Variants in ZNF148 observed in about 807,000 individuals in gnomAD.
ZNF148 encodes the protein Beta-Enolase Repressor Factor-1.
ZNF148 carries 7 observed loss-of-function variants against 67.7 expected under a neutral mutation model. That is an observed-to-expected ratio of 0.10 (90% confidence interval 0.06 to 0.19). The LOEUF is 0.19. ZNF148 is among the 10% of genes least tolerant of loss of function. The pLI is 1.00. For missense variants in ZNF148, 583 were observed against 947.1 expected, an observed-to-expected ratio of 0.62 and a Z score of 5.05; for synonymous variants, 333 against 330.7, an observed-to-expected ratio of 1.01 and a Z score of -0.08.
intron 2 of ZNF148, among the ~76,000 whole-genome samples, chr3:125,330,831 A>G (rs569352876): frequency 5.9e-5 from 9 of 152,288 alleles, no homozygotes; most frequent in African/African-American, 1.4e-4. Context: ...ATATGCACCA[A>G]CATAGGCCAA....
chr3:125,334,914 C>G (rs1941429564), intron 1 of ZNF148, among the ~76,000 whole-genome samples: 1 of 152,132 alleles, frequency 6.6e-6, no homozygotes, highest in South Asian at 2.1e-4. Context: ...CAGCATACAG[C>G]AGAATCTACT....
intron 7 of ZNF148, among the ~76,000 whole-genome samples, chr3:125,235,267 AC>A (rs1936034003): frequency 6.6e-6 from 1 of 152,232 alleles, no homozygotes; most frequent in Non-Finnish European, 1.5e-5. Flanking sequence ...AAAGTTTATA[AC>A]ATAATTGGGA....
At chr3:125,281,424 T>C (rs1345535897) in intron 5 of ZNF148, among the ~76,000 whole-genome samples, 9 of 152,138 alleles carry the variant, frequency 5.9e-5, no homozygotes. Context: ...TTATATAAAA[T>C]GGAACTAAAA....
Position 125,233,740 on chromosome 3 carries a change from T to C in ZNF148, c.986A>G (p.Lys329Arg), listed in dbSNP as rs1030967933. 10 of 1,613,712 alleles carry C rather than the reference T, an allele frequency of 6.2e-6. No individual in the cohort carries two copies. The highest frequency in any genetic ancestry group is 8.5e-6 in the Non-Finnish European group (10 of 1,179,910). ...KTEKKSSGMD[K>R]ESALDKSDLK... ...GTCAGATTTGTCCAAAGCACTCTCT[T>C]TGTCCATTCCAGATGATTTTTTCTC... Residue 329 changes from lysine (K) to arginine (R), a missense_variant, in exon 9 of 9, where the codon AAA (lysine) becomes AGA (arginine). Around this residue, in one of 5 missense-constraint regions of ZNF148, gnomAD observed 78 missense variants for 86.5 expected, o/e 0.90. Transcript: ENST00000360647. This position sits in a 1 kb window ranked among gnomAD's most constrained non-coding sequence, Gnocchi z 5.1.
intron 1 of ZNF148, among the ~76,000 whole-genome samples, chr3:125,335,809 A>C (rs1376454915): frequency 6.6e-6 from 1 of 152,222 alleles, no homozygotes; most frequent in African/African-American, 2.4e-5. Flanking sequence ...GTATTTTCAA[A>C]GTATATCTTT....
At position 125,230,598 on chromosome 3, in the gene ZNF148, CCTTT is replaced by C. The variant is rs1381083797; in HGVS notation, c.*1739_*1742del. On this transcript the variant is annotated 3_prime_UTR_variant, in exon 9 of 9. Coordinates refer to ENST00000360647, the MANE Select transcript of ZNF148 (RefSeq NM_021964.3). Reference sequence around the variant, plus strand: ...GTTAAGGGTGGATAGTTATTTCTTCCCTTTCTTTATGAGAACAGTCTTGGGATAA... The same window carrying C: ...GTTAAGGGTGGATAGTTATTTCTTCCCTTTATGAGAACAGTCTTGGGATAA... 1.3e-5 allele frequency: 2 copies of C among 152,162 alleles called. No homozygotes were observed. The highest frequency in any genetic ancestry group is 2.9e-5 in the Non-Finnish European group (2 of 67,892). 9.4% of individuals were successfully genotyped at this position (152,162 alleles called of 1,614,324 possible).
intron 1 of ZNF148, among the ~76,000 whole-genome samples, chr3:125,361,744 A>G (rs945184806): frequency 2.0e-5 from 3 of 151,964 alleles, no homozygotes; most frequent in African/African-American, 7.3e-5. Context: ...GAGGCAGGAG[A>G]ATCACTTGAA....
chr3:125,257,636 G>C (rs1269355800), intron 7 of ZNF148, among the ~76,000 whole-genome samples: 1 of 150,698 alleles, frequency 6.6e-6, no homozygotes, highest in African/African-American at 2.4e-5. Flanking sequence ...TTTCAGACTA[G>C]GTTATTTGTG....
At chr3:125,304,950 C>A (rs900950809) in intron 4 of ZNF148, among the ~76,000 whole-genome samples, 2 of 152,154 alleles carry the variant, frequency 1.3e-5, no homozygotes, top group Non-Finnish European at 2.9e-5. Context: ...AAGTACTCAA[C>A]GACTGACGAG....
chr3:125,331,895 G>A (rs1941305288), intron 1 of ZNF148, among the ~76,000 whole-genome samples: 1 of 152,102 alleles, frequency 6.6e-6, no homozygotes, highest in African/African-American at 2.4e-5. Flanking sequence ...TTTTTCTGAG[G>A]TATATTAAAT....
At chr3:125,268,237 CA>C (rs58334196) in intron 7 of ZNF148, among the ~76,000 whole-genome samples, 93 of 136,626 alleles carry the variant, frequency 6.8e-4, no homozygotes, top group East Asian at 1.5e-3. Context: ...TATATAGAAC[CA>C]AAAAAAAAAA....
At chr3:125,366,006 A>G (rs1942691269) in intron 1 of ZNF148, among the ~76,000 whole-genome samples, 1 of 152,102 alleles carries the variant, frequency 6.6e-6, no homozygotes, top group Non-Finnish European at 1.5e-5. Context: ...TTTCACATAC[A>G]ATCTTACTCT....
At chr3:125,318,043 C>T (rs543303475) in intron 3 of ZNF148, among the ~76,000 whole-genome samples, 1 of 152,088 alleles carries the variant, frequency 6.6e-6, no homozygotes, top group African/African-American at 2.4e-5. Context: ...TAGGATAAAG[C>T]TACACTTAAT....
intron 2 of ZNF148, among the ~76,000 whole-genome samples, chr3:125,324,787 T>C (rs747096272): frequency 9.3e-4 from 141 of 152,360 alleles, no homozygotes; most frequent in Middle Eastern, 3.4e-3. Context: ...AAGTATAATA[T>C]TAATTCATTT....
Position 125,313,653 on chromosome 3 carries a change from C to A in ZNF148, c.-13G>T, listed in dbSNP as rs1022745149. 2.5e-6 allele frequency: 4 copies of A among 1,594,840 alleles called. No homozygotes were observed. The African/African-American group carries it at 5.4e-5, about 21-fold the overall frequency. On this transcript the variant is annotated 5_prime_UTR_variant, in exon 4 of 9. Coordinates refer to ENST00000360647, the MANE Select transcript of ZNF148 (RefSeq NM_021964.3). The stretch of plus-strand genomic sequence containing the variant: ...CGTCAATGTTCATGCTTAAGTATAA[C>A]TGCCTAGAAAACCAAGTTTGGCAAC...
At chr3:125,323,942 G>A (rs1223866550) in intron 2 of ZNF148, among the ~76,000 whole-genome samples, 2 of 141,278 alleles carry the variant, frequency 1.4e-5, no homozygotes, top group Non-Finnish European at 3.0e-5. Flanking sequence ...CTGGGCAACA[G>A]AGCGAGACTC....
intron 7 of ZNF148, among the ~76,000 whole-genome samples, chr3:125,256,630 C>T (rs1393620439): frequency 3.3e-5 from 5 of 152,096 alleles, no homozygotes; most frequent in Admixed American, 6.5e-5. Context: ...GAGCCGAGAT[C>T]GTGCCACTAC....
intron 1 of ZNF148, among the ~76,000 whole-genome samples, chr3:125,364,406 C>T (rs1030388573): frequency 6.6e-6 from 1 of 152,008 alleles, no homozygotes; most frequent in African/African-American, 2.4e-5. Context: ...ACAAACAGAA[C>T]ACCTCAGACT....
At chr3:125,236,815 C>T (rs140669647) in intron 7 of ZNF148, among the ~76,000 whole-genome samples, 2 of 152,240 alleles carry the variant, frequency 1.3e-5, no homozygotes, top group East Asian at 3.9e-4. Flanking sequence ...CAGAATAGCT[C>T]ACTTGTATAC....
Sources: allele counts gnomAD v4.1 joint callset (sites outside exome capture counted in the v4.1 genomes callset), GRCh38; gene constraint gnomAD v4.1.1; regional missense constraint gnomAD v4.1.1; non-coding constraint Gnocchi (gnomAD v3.1); transcripts MANE v1.5; gene names NCBI Gene and HGNC (gene_info 2026-07-23, HGNC 2026-07-21).